Variants in SLIT3 observed in about 807,000 individuals in gnomAD.
SLIT3 encodes the protein slit guidance ligand 3, also known as slit homolog 3 protein.
SLIT3 carries 68 observed loss-of-function variants against 184.0 expected under a neutral mutation model. That is an observed-to-expected ratio of 0.37 (90% CI 0.30 to 0.45). The LOEUF is 0.45. SLIT3 is among the 20% of genes least tolerant of loss of function. The probability of loss-of-function intolerance (pLI) is 1.00; values close to 1 mark genes in which losing one functional copy is unlikely to be tolerated. For missense variants in SLIT3, 1,707 were observed against 2,026.0 expected (o/e 0.84, Z 3.02); for synonymous variants, 831 against 828.6 (o/e 1.00, Z -0.05).
chr5:168,674,863 G>A (rs974691075), intron 32 of SLIT3, among the ~76,000 whole-genome samples: 1 of 151,812 alleles, frequency 6.6e-6, no homozygotes, highest in Admixed American at 6.5e-5. Context: ...GCCACTCACC[G>A]AGGGCCCAGA....
At chr5:168,937,598 C>T (rs560705665) in intron 4 of SLIT3, among the ~76,000 whole-genome samples, 5 of 152,034 alleles carry the variant, frequency 3.3e-5, no homozygotes, top group South Asian at 2.1e-4. Context: ...TGCGGCGGAA[C>T]GGGAGGCCTG....
chr5:168,824,811 T>C (rs962438824), intron 6 of SLIT3, among the ~76,000 whole-genome samples: 241 of 152,312 alleles, frequency 1.6e-3, no homozygotes, highest in Non-Finnish European at 1.0e-3. Context: ...TGAGCCTCCA[T>C]GGGTCCCTAC....
At chr5:168,730,570 C>T (rs988490760) in intron 20 of SLIT3, among the ~76,000 whole-genome samples, 14 of 151,780 alleles carry the variant, frequency 9.2e-5, no homozygotes, top group African/African-American at 3.4e-4. Context: ...AATACCAAGA[C>T]AAACTTTTGA....
chr5:168,709,198 A>C (rs1762470777), intron 25 of SLIT3, among the ~76,000 whole-genome samples: 1 of 150,880 alleles, frequency 6.6e-6, no homozygotes, highest in Non-Finnish European at 1.5e-5. Context: ...TCCTGGATTC[A>C]AGCAGTTCTG....
At chr5:168,666,878 G>T in intron 35 of SLIT3, 189 bp from the exon 36 acceptor site, 2 of 893,812 alleles carry the variant, frequency 2.2e-6, no homozygotes, top group Non-Finnish European at 3.5e-6. Context: ...CCTGTACCAG[G>T]CTCTCTGACA....
At chr5:169,196,161 G>GA (rs35082106) in intron 3 of SLIT3, among the ~76,000 whole-genome samples, 62 of 148,842 alleles carry the variant, frequency 4.2e-4, no homozygotes, top group South Asian at 6.4e-4. Context: ...CACTAAAGTA[G>GA]AAAAAAAAAA....
At chr5:168,701,060 A>T (rs1232637494) in intron 26 of SLIT3, among the ~76,000 whole-genome samples, 1 of 152,238 alleles carries the variant, frequency 6.6e-6, no homozygotes, top group Non-Finnish European at 1.5e-5. Flanking sequence ...TCGTGACCTC[A>T]TAAAAGCCTC....
chr5:169,098,159 G>A (rs1024768448), intron 4 of SLIT3, among the ~76,000 whole-genome samples: 2 of 151,958 alleles, frequency 1.3e-5, no homozygotes, highest in African/African-American at 4.8e-5. Flanking sequence ...TCTCACACAT[G>A]GGGTTTCATG....
intron 35 of SLIT3, 53 bp from the exon 36 acceptor site, chr5:168,666,742 C>G (rs1420533690): frequency 6.2e-7 from 1 of 1,612,518 alleles, no homozygotes; most frequent in Non-Finnish European, 8.5e-7. Flanking sequence ...CCAGCAGGAC[C>G]ATGAGCAGTT....
At chr5:169,171,667 G>A (rs1202340970) in intron 4 of SLIT3, among the ~76,000 whole-genome samples, 1 of 152,216 alleles carries the variant, frequency 6.6e-6, no homozygotes, top group Non-Finnish European at 1.5e-5. Context: ...CCTGCCCTGA[G>A]GCTGGAATGC....
rs1443356046 is a variant in SLIT3, at chr5:169,104,074, T to C, written c.413+89405A>G. 3.3e-5 allele frequency among the ~76,000 whole-genome samples: 5 copies of C among 152,226 alleles called. No homozygotes were observed. In the South Asian group the frequency reaches 1.0e-3, roughly 31 times the overall value. On this transcript the variant is annotated intron_variant, in intron 4 of 35. Transcript: ENST00000519560. Reference sequence around the variant, plus strand: ...GGCCTGATGCATTAGCCCTGATTAATTGGCCCACAACATGCTTCTCACTTA... The same window carrying C: ...GGCCTGATGCATTAGCCCTGATTAACTGGCCCACAACATGCTTCTCACTTA...
Position 169,145,967 on chromosome 5 carries a change from C to T in SLIT3, c.413+47512G>A, listed in dbSNP as rs187926756. On this transcript the variant is annotated intron_variant, in intron 4 of 35. Coordinates refer to ENST00000519560, the MANE Select transcript of SLIT3 (RefSeq NM_003062.4). The stretch of plus-strand genomic sequence containing the variant: ...TCTGGAGGTTGAGGCAGGAGAATCA[C>T]TTAAACCCAGGAGGTGGAGGCTGCA... 4.6e-5 allele frequency among the ~76,000 whole-genome samples: 7 copies of T among 152,168 alleles called. No homozygotes were observed. In the East Asian group the frequency reaches 1.3e-3, roughly 29 times the overall value.
At chr5:169,072,715 C>G (rs1581376354) in intron 4 of SLIT3, among the ~76,000 whole-genome samples, 1 of 152,182 alleles carries the variant, frequency 6.6e-6, no homozygotes, top group African/African-American at 2.4e-5. Context: ...CCACGGAAGA[C>G]AGAAGCCATA....
intron 20 of SLIT3, among the ~76,000 whole-genome samples, chr5:168,737,771 T>A (rs1421588085): frequency 6.6e-6 from 1 of 152,224 alleles, no homozygotes; most frequent in Non-Finnish European, 1.5e-5. Flanking sequence ...CAGAGTTTGT[T>A]TCCAGAACCA....
chr5:169,210,543 T>C (rs10059292), intron 3 of SLIT3, among the ~76,000 whole-genome samples: 10,481 of 152,238 alleles, frequency 0.069, 452 homozygotes, highest in South Asian at 0.12. Context: ...AGCTGGTCAC[T>C]GAAGTTTCCT....
intron 1 of SLIT3, among the ~76,000 whole-genome samples, chr5:169,297,013 G>C (rs146291902): frequency 6.6e-6 from 1 of 152,320 alleles, no homozygotes; most frequent in African/African-American, 2.4e-5. Context: ...TGAGATTGTG[G>C]TTGGAGAAGA....
chr5:168,808,532 A>G (rs997044927), intron 8 of SLIT3, among the ~76,000 whole-genome samples: 31 of 152,224 alleles, frequency 2.0e-4, no homozygotes, highest in African/African-American at 7.0e-4. Context: ...AATACACGGC[A>G]CAGGGTAAGA....
chr5:169,236,672 A>G (rs1486466273), intron 3 of SLIT3, among the ~76,000 whole-genome samples: 1 of 151,998 alleles, frequency 6.6e-6, no homozygotes, highest in Non-Finnish European at 1.5e-5. Flanking sequence ...GGTTTTCGCC[A>G]TGTTAGCCAG....
At chr5:168,907,967 T>TAGAGAG (rs1376618472) in intron 4 of SLIT3, among the ~76,000 whole-genome samples, 191 of 80,158 alleles carry the variant, frequency 2.4e-3, no homozygotes, top group Non-Finnish European at 3.7e-3. Flanking sequence ...TATATATATA[T>TAGAGAG]ATATATATAT....
Sources: gnomAD v4.1 joint callset for allele counts (sites outside exome capture counted in the v4.1 genomes callset) on GRCh38, gnomAD v4.1.1 for gene constraint, MANE v1.5 for transcripts, NCBI Gene and HGNC (gene_info 2026-07-23, HGNC 2026-07-21) for gene names.